Variants in ALG8 observed in about 807,000 individuals in gnomAD.
ALG8 encodes ALG8 alpha-1,3-glucosyltransferase.
Under a neutral mutation model 70.2 loss-of-function variants are expected in ALG8, and 48 were observed. The ratio of observed to expected loss-of-function variants is 0.68; its 90% confidence interval spans 0.54 to 0.87. The LOEUF (loss-of-function observed/expected upper bound fraction) is 0.87, where lower values mean the gene tolerates loss of function less well. Ranked by LOEUF, ALG8 falls within the 40% of genes least tolerant of loss-of-function variation. The pLI, the probability that ALG8 is intolerant of heterozygous loss-of-function variation, is 0.00. For missense variants in ALG8, 572 were observed against 608.7 expected (o/e 0.94, Z 0.64); for synonymous variants, 234 against 229.0 (o/e 1.02, Z -0.20).
Position 78,127,426 on chromosome 11 carries a change from C to T in ALG8, c.106G>A (p.Asp36Asn). The T allele has an allele frequency of 6.2e-7, 1 of 1,613,484 alleles. No individual in the cohort carries two copies. The highest frequency in any genetic ancestry group is 8.5e-7 in the Non-Finnish European group (1 of 1,179,742). The change falls in exon 2 of 13, where the codon GAT becomes AAT. Residue 36 changes from aspartate (D) to asparagine (N), a missense_variant. By Grantham distance (23) the Asp-to-Asn change is conservative. Coordinates refer to ENST00000299626, the MANE Select transcript of ALG8 (RefSeq NM_024079.5). ...AGCCAGTTTCGGTGTACTTCAAAATCTGTGGAATGGCTACTCAAAACAATT... is the reference window on the plus strand; with the variant it reads ...AGCCAGTTTCGGTGTACTTCAAAATTTGTGGAATGGCTACTCAAAACAATT... ...CLLIPTYHST[D>N]FEVHRNWLAI...
Position 78,108,327 on chromosome 11 carries a change from C to T in ALG8, c.1038+1115G>A, listed in dbSNP as rs114415979. Among the ~76,000 whole-genome samples the T allele has an allele frequency of 5.4e-3, 829 of 152,140 alleles. 6 individuals carry two copies. Among genetic ancestry groups the T allele is most frequent in the African/African-American group, 0.019 (784 of 41,504 alleles). ...AACAAAACTACTGCAAAACAATTAGCTGGGTGCAGTGGCAGGCGCCTGTAA... is the reference window on the plus strand; with the variant it reads ...AACAAAACTACTGCAAAACAATTAGTTGGGTGCAGTGGCAGGCGCCTGTAA... On this transcript the variant is annotated intron_variant, in intron 9 of 12. Coordinates refer to ENST00000299626, the MANE Select transcript of ALG8 (RefSeq NM_024079.5).
chr11:78,135,766 C>T (rs181189567), intron 1 of ALG8, among the ~76,000 whole-genome samples: 66 of 151,530 alleles, frequency 4.4e-4, no homozygotes, highest in Non-Finnish European at 5.6e-4. Flanking sequence ...GAGAATCACT[C>T]GAACCCGGGA....
intron 3 of ALG8, 158 bp from the exon 4 acceptor site, chr11:78,121,332 G>A: frequency 1.5e-6 from 1 of 654,156 alleles, no homozygotes. Flanking sequence ...TTTTTAGAAG[G>A]GATGGGGTAT....
chr11:78,114,437 A>G (rs773622922), intron 5 of ALG8, 45 bp from the exon 6 acceptor site: 4 of 1,604,948 alleles, frequency 2.5e-6, no homozygotes, highest in Non-Finnish European at 3.4e-6. Flanking sequence ...TTCAGGGTAA[A>G]TGAAATGCAA....
At chr11:78,126,984 AT>A (rs35548230) in intron 2 of ALG8, among the ~76,000 whole-genome samples, 33,935 of 148,414 alleles carry the variant, frequency 0.23, 4,739 homozygotes, top group African/African-American at 0.4. Context: ...TTGCAAGAAA[AT>A]TTTTTTTTTT....
At position 78,108,736 on chromosome 11, in the gene ALG8, T is replaced by C. The variant is rs571147488; in HGVS notation, c.1038+706A>G. Among the ~76,000 whole-genome samples, 6 of 152,356 alleles carry C rather than the reference T, an allele frequency of 3.9e-5. No homozygotes were observed. The South Asian group carries it at 1.0e-3, about 26-fold the overall frequency. ...GAACAAACAGCCCAACAGAGCTTAA[T>C]TATCTACATACCTGTACTGTCATGT... On this transcript the variant is annotated intron_variant, in intron 9 of 12. Transcript: ENST00000299626.
chr11:78,110,714 T>C (rs370510993), intron 8 of ALG8, among the ~76,000 whole-genome samples: 2 of 152,184 alleles, frequency 1.3e-5, no homozygotes, highest in African/African-American at 2.4e-5. Flanking sequence ...CAGAGACAGT[T>C]TGAGCACCTA....
chr11:78,112,507 C>T, intron 8 of ALG8, 143 bp downstream of exon 8: 2 of 1,247,588 alleles, frequency 1.6e-6, no homozygotes, highest in Non-Finnish European at 1.1e-6. Flanking sequence ...GAACTGCTCC[C>T]CCTGTTCATC....
chr11:78,120,143 CATCTT>C (rs1565354774), intron 4 of ALG8, among the ~76,000 whole-genome samples: 1 of 151,802 alleles, frequency 6.6e-6, no homozygotes, highest in Admixed American at 6.6e-5. Flanking sequence ...TGTTTAATGA[CATCTT>C]AGACTAGATG....
chr11:78,101,420 G>A (rs1189217444), intron 12 of ALG8, among the ~76,000 whole-genome samples: 1 of 152,148 alleles, frequency 6.6e-6, no homozygotes, highest in African/African-American at 2.4e-5. Flanking sequence ...CCTGAGGTCA[G>A]GAGTTCTAGA....
At chr11:78,114,580 G>C (rs1027100192) in intron 5 of ALG8, 188 bp from the exon 6 acceptor site, 6 of 695,338 alleles carry the variant, frequency 8.6e-6, no homozygotes, top group Non-Finnish European at 1.5e-5. Flanking sequence ...TGGTAATGGG[G>C]GAAAATGGGT....
chr11:78,103,985 TAA>T lies in ALG8; in HGVS notation c.1342_1343del (p.Leu448IlefsTer9), dbSNP rs775580883. 2 of 1,473,708 alleles carry T rather than the reference TAA, an allele frequency of 1.4e-6. No individual in the cohort carries two copies. The highest frequency in any genetic ancestry group is 2.8e-5 in the African/African-American group (2 of 71,970). The allele number at this position is 1,473,708 out of a possible 1,614,324, so 91.3% of individuals were successfully genotyped here. A position where few individuals can be genotyped will look rare whatever the true frequency, so the allele number is the denominator to read the frequency against. On this transcript the variant is annotated frameshift_variant, in exon 12 of 13. Coordinates refer to ENST00000299626, the MANE Select transcript of ALG8 (RefSeq NM_024079.5). LOFTEE classifies it high-confidence loss of function. Reference sequence around the variant, plus strand: ...TTAAACATTTTTTTGATTACCTGAATAAAGTCTTCAGTGACGAAATACTATAT... The same window carrying T: ...TTAAACATTTTTTTGATTACCTGAATAGTCTTCAGTGACGAAATACTATAT... ...TIYSISSLKT[L>X]FRKEKPLFNW...
chr11:78,128,697 G>A (rs529541993), intron 1 of ALG8, among the ~76,000 whole-genome samples: 3 of 149,432 alleles, frequency 2.0e-5, no homozygotes, highest in South Asian at 2.1e-4. Context: ...TGCAAACTCC[G>A]TCTCCCAGGT....
At chr11:78,116,023 T>C (rs1860545566) in intron 5 of ALG8, among the ~76,000 whole-genome samples, 1 of 152,312 alleles carries the variant, frequency 6.6e-6, no homozygotes, top group Non-Finnish European at 1.5e-5. Flanking sequence ...CTGCACTTGA[T>C]ACAAACACTA....
intron 1 of ALG8, among the ~76,000 whole-genome samples, chr11:78,130,828 T>G (rs1386073301): frequency 6.6e-6 from 1 of 152,140 alleles, no homozygotes; most frequent in Non-Finnish European, 1.5e-5. Context: ...TTTCTGAAAT[T>G]TTTTTAGATG....
chr11:78,118,150 C>T (rs2136913499), intron 5 of ALG8, among the ~76,000 whole-genome samples: 1 of 151,968 alleles, frequency 6.6e-6, no homozygotes, highest in African/African-American at 2.4e-5. Flanking sequence ...CCCTGAGTTG[C>T]ATAGCTCATT....
intron 10 of ALG8, 94 bp downstream of exon 10, chr11:78,106,712 AT>A (rs1426602260): frequency 6.5e-7 from 1 of 1,544,786 alleles, no homozygotes; most frequent in African/African-American, 1.4e-5. Flanking sequence ...GTTTTTGCCT[AT>A]CCTGGTGAAC....
At chr11:78,128,947 T>C (rs978034986) in intron 1 of ALG8, among the ~76,000 whole-genome samples, 2 of 151,968 alleles carry the variant, frequency 1.3e-5, no homozygotes, top group African/African-American at 4.8e-5. Flanking sequence ...CATTGGCTTC[T>C]TTACTAAGTT....
intron 3 of ALG8, among the ~76,000 whole-genome samples, chr11:78,122,219 G>A (rs1361380266): frequency 1.3e-5 from 2 of 152,060 alleles, no homozygotes; most frequent in South Asian, 2.1e-4. Context: ...TCCTCCTTTC[G>A]CCCTATGGAG....
Sources: allele counts gnomAD v4.1 joint callset (sites outside exome capture counted in the v4.1 genomes callset), GRCh38; gene constraint gnomAD v4.1.1; transcripts MANE v1.5; gene names NCBI Gene and HGNC (gene_info 2026-07-23, HGNC 2026-07-21).